ADGRV1: variants seen among roughly 807,000 people sequenced by gnomAD.
ADGRV1 encodes adhesion G protein-coupled receptor V1.
A neutral mutation model predicts 596.2 loss-of-function variants in ADGRV1; 359 were observed. That is an observed-to-expected ratio of 0.60 (90% confidence interval 0.55 to 0.66). ADGRV1 has a LOEUF of 0.66. Among genes scored for constraint, ADGRV1 ranks in the 30% least tolerant of loss-of-function variants. The pLI is 0.00. For synonymous variants in ADGRV1, 2,681 were observed against 2,679.2 expected, an observed-to-expected ratio of 1.00 and a Z score of -0.02; for missense variants, 7,274 against 7,575.6, an observed-to-expected ratio of 0.96 and a Z score of 1.48.
chr5:90,969,427 CACTA>C (rs1778757927), intron 84 of ADGRV1, among the ~76,000 whole-genome samples: 1 of 152,112 alleles, frequency 6.6e-6, no homozygotes, highest in Non-Finnish European at 1.5e-5. Flanking sequence ...GTGAGGTGGA[CACTA>C]ACTAGCTGCA....
chr5:90,569,415 T>TTTTTTTTTTTC (rs1295993815), intron 1 of ADGRV1, among the ~76,000 whole-genome samples: 3 of 105,654 alleles, frequency 2.8e-5, no homozygotes, highest in African/African-American at 1.4e-4. Flanking sequence ...TTTTTTTTTT[T>TTTTTTTTTTTC]CTCATTCTTA....
intron 83 of ADGRV1, among the ~76,000 whole-genome samples, chr5:90,939,197 A>G (rs1034033517): frequency 5.3e-5 from 8 of 152,206 alleles, no homozygotes; most frequent in African/African-American, 1.9e-4. Flanking sequence ...TCAAAGTTAC[A>G]TTTTAAAACA....
intron 2 of ADGRV1, among the ~76,000 whole-genome samples, chr5:90,616,426 T>C (rs1178995129): frequency 6.6e-6 from 1 of 152,104 alleles, no homozygotes; most frequent in East Asian, 1.9e-4. Flanking sequence ...CTAAAATAAT[T>C]AGATCTTTAT....
At chr5:91,060,398 A>ATTTT (rs1554210690) in intron 85 of ADGRV1, among the ~76,000 whole-genome samples, 25 of 60,526 alleles carry the variant, frequency 4.1e-4, no homozygotes, top group African/African-American at 1.1e-3. Flanking sequence ...ATATATATAT[A>ATTTT]TTTTTTTTTT....
At chr5:90,806,101 A>G (rs548859653) in intron 72 of ADGRV1, among the ~76,000 whole-genome samples, 113 of 152,310 alleles carry the variant, frequency 7.4e-4, no homozygotes, top group African/African-American at 2.7e-3. Context: ...TGAGATCCTC[A>G]GTCTCTCAGA....
intron 83 of ADGRV1, among the ~76,000 whole-genome samples, chr5:90,868,620 C>T (rs1297044373): frequency 6.6e-6 from 1 of 151,510 alleles, no homozygotes; most frequent in Admixed American, 6.6e-5. Flanking sequence ...TGCCCTCCCC[C>T]CGCTAGAATA....
chr5:90,778,713 C>G lies in ADGRV1; in HGVS notation c.12849+104C>G, dbSNP rs568523044. The G allele has an allele frequency of 3.7e-6, 4 of 1,068,496 alleles. No individual in the cohort carries two copies. In the South Asian group the frequency reaches 8.9e-5, roughly 24 times the overall value. 66.2% of individuals were successfully genotyped at this position (1,068,496 alleles called of 1,614,324 possible). ...GTTTTCATAAACTGATTAATTTGCT[C>G]CAAACATCATTATTTTAACATATAA... On this transcript the variant is annotated intron_variant, in intron 63 of 89. Transcript: ENST00000405460.
intron 1 of ADGRV1, among the ~76,000 whole-genome samples, chr5:90,579,768 T>G (rs556280003): frequency 6.6e-6 from 1 of 152,330 alleles, no homozygotes; most frequent in African/African-American, 2.4e-5. Flanking sequence ...TCTAAGGACT[T>G]GCTTTATGAA....
In ADGRV1 at chr5:90,853,337, G is replaced by C; in HGVS notation, c.17258G>C (p.Trp5753Ser). 1 of 1,613,162 alleles carries C rather than the reference G, an allele frequency of 6.2e-7. No homozygotes were observed. The highest frequency in any genetic ancestry group is 8.5e-7 in the Non-Finnish European group (1 of 1,179,404). The change falls in exon 80 of 90, where the codon TGG becomes TCG. Residue 5753 changes from tryptophan (W) to serine (S), a missense_variant. By Grantham distance (177) the Trp-to-Ser change is radical. Transcript: ENST00000405460. The stretch of plus-strand genomic sequence containing the variant: ...TATTTGTCAATATTGGCTCTTCACT[G>C]GTATCCTCAGCAAATCAATGGACAC... Reference protein sequence around the residue: ...CPYLSILALHWYPQQINGHKF... With the variant: ...CPYLSILALHSYPQQINGHKF...
chr5:91,054,435 C>T (rs972858523), intron 85 of ADGRV1, among the ~76,000 whole-genome samples: 1 of 152,144 alleles, frequency 6.6e-6, no homozygotes, highest in Admixed American at 6.5e-5. Flanking sequence ...ATGCTATTTA[C>T]TGCTGCCTGG....
chr5:91,107,091 C>T (rs1375562094), intron 87 of ADGRV1, among the ~76,000 whole-genome samples: 1 of 152,124 alleles, frequency 6.6e-6, no homozygotes, highest in African/African-American at 2.4e-5. Context: ...GCCCCACACC[C>T]AGAGTTTCTG....
At chr5:90,802,643 T>C in intron 70 of ADGRV1, 96 bp from the exon 71 acceptor site, 1 of 1,122,148 alleles carries the variant, frequency 8.9e-7, no homozygotes, top group Non-Finnish European at 1.3e-6. Context: ...TGTTTGCTAC[T>C]AAAGCAACCT....
chr5:90,673,790 G>A (rs766356386), intron 22 of ADGRV1, among the ~76,000 whole-genome samples: 1 of 151,966 alleles, frequency 6.6e-6, no homozygotes, highest in Non-Finnish European at 1.5e-5. Flanking sequence ...GGAATTTGGG[G>A]GACAGGAGGA....
At chr5:90,991,279 A>G (rs1420196611) in intron 85 of ADGRV1, among the ~76,000 whole-genome samples, 1 of 152,236 alleles carries the variant, frequency 6.6e-6, no homozygotes, top group Non-Finnish European at 1.5e-5. Context: ...TTACTAATTC[A>G]TATGAATTCA....
At chr5:90,669,654 A>G (rs546952139) in intron 21 of ADGRV1, among the ~76,000 whole-genome samples, 1 of 152,174 alleles carries the variant, frequency 6.6e-6, no homozygotes, top group Non-Finnish European at 1.5e-5. Flanking sequence ...CTAAAATTGG[A>G]GGAAAATTAT....
At chr5:90,705,316 T>C in intron 36 of ADGRV1, 84 bp from the exon 37 acceptor site, 1 of 1,119,762 alleles carries the variant, frequency 8.9e-7, no homozygotes, top group Non-Finnish European at 1.3e-6. Flanking sequence ...TTGATTACCT[T>C]AATGTTTCAG....
rs1160898107 is a variant in ADGRV1, at chr5:90,629,244, A to G, written c.1544A>G (p.Tyr515Cys). ...TACATTCAGGATAGTGATGATGTCT[A>G]TGGCCTAATAACATTTTTTCCTATG... ...LFYIQDSDDV[Y>C]GLITFFPMEN... The change falls in exon 9 of 90, where the codon TAT becomes TGT. Residue 515 changes from tyrosine to cysteine, a missense_variant. Around this residue, in one of 5 missense-constraint regions of ADGRV1, gnomAD observed 1,715 missense variants for 1,708.8 expected, o/e 1.00. Transcript: ENST00000405460. The G allele has an allele frequency of 1.2e-5, 20 of 1,609,664 alleles. No individual in the cohort carries two copies. The highest frequency in any genetic ancestry group is 1.4e-5 in the Non-Finnish European group (17 of 1,177,870).
chr5:90,607,278 G>C (rs1039748484), intron 1 of ADGRV1, among the ~76,000 whole-genome samples: 1 of 152,096 alleles, frequency 6.6e-6, no homozygotes, highest in African/African-American at 2.4e-5. Flanking sequence ...GGAAATAATA[G>C]TATCAGGTAC....
chr5:90,976,053 TCTCA>T lies in ADGRV1; in HGVS notation c.17974-9288_17974-9285del, dbSNP rs1779545851. Among the ~76,000 whole-genome samples the T allele has an allele frequency of 2.6e-5, 4 of 151,884 alleles. No individual in the cohort carries two copies. The South Asian group carries it at 8.3e-4, about 32-fold the overall frequency. On this transcript the variant is annotated intron_variant, in intron 84 of 89. Coordinates refer to ENST00000405460, the MANE Select transcript of ADGRV1 (RefSeq NM_032119.4). ...ATACTAAATAAAAAGTACATCTTTTTCTCACTATTTCTTGCATTCTCCATTCTTT... is the reference window on the plus strand; with the variant it reads ...ATACTAAATAAAAAGTACATCTTTTTCTATTTCTTGCATTCTCCATTCTTT...
Sources: gnomAD v4.1 joint callset for allele counts (sites outside exome capture counted in the v4.1 genomes callset) on GRCh38, gnomAD v4.1.1 for gene constraint, gnomAD v4.1.1 regional missense constraint, MANE v1.5 for transcripts, NCBI Gene and HGNC (gene_info 2026-07-23, HGNC 2026-07-21) for gene names.